MOSMO: variants seen among roughly 807,000 people sequenced by gnomAD.
MOSMO encodes the protein modulator of smoothened protein.
A neutral mutation model predicts 18.4 loss-of-function variants in MOSMO; 5 were observed. The observed-to-expected ratio is 0.27, with a 90% confidence interval of 0.14 to 0.57. The LOEUF (loss-of-function observed/expected upper bound fraction) is 0.57. Ranked by LOEUF, MOSMO falls within the 20% of genes least tolerant of loss-of-function variation. The pLI is 0.92. For missense variants in MOSMO, 138 were observed against 211.8 expected, an observed-to-expected ratio of 0.65 and a Z score of 2.16; for synonymous variants, 82 against 82.3, an observed-to-expected ratio of 1.00 and a Z score of 0.02.
intron 1 of MOSMO, 92 bp downstream of exon 1, chr16:22,008,499 G>A (rs1328790413): frequency 3.8e-6 from 3 of 798,866 alleles, no homozygotes; most frequent in Middle Eastern, 3.9e-4. Context: ...CGGGGTGGAG[G>A]GTCCCGGCCG....
At chr16:22,062,517 C>T (rs185771021) in intron 1 of MOSMO, among the ~76,000 whole-genome samples, 1 of 152,112 alleles carries the variant, frequency 6.6e-6, no homozygotes, top group East Asian at 1.9e-4. Context: ...GAGATAAAGT[C>T]CCAGTGTGTT....
chr16:22,067,475 T>C (rs1344281378), intron 1 of MOSMO, among the ~76,000 whole-genome samples: 1 of 152,128 alleles, frequency 6.6e-6, no homozygotes, highest in Non-Finnish European at 1.5e-5. Flanking sequence ...TGAATCCTCA[T>C]ATGCAAGGGA....
intron 1 of MOSMO, among the ~76,000 whole-genome samples, chr16:22,056,365 C>CTTTTTTTTTTTTTTTT (rs35642716): frequency 3.7e-5 from 2 of 54,612 alleles, no homozygotes; most frequent in East Asian, 6.0e-4. Flanking sequence ...TTCTTTCTTT[C>CTTTTTTTTTTTTTTTT]TTTTTTTTTT....
At chr16:22,078,537 A>G (rs566969520) in intron 2 of MOSMO, among the ~76,000 whole-genome samples, 2 of 152,352 alleles carry the variant, frequency 1.3e-5, no homozygotes, top group South Asian at 4.1e-4. Context: ...TAAAGGATAG[A>G]TCTTTTTTAG....
intron 1 of MOSMO, among the ~76,000 whole-genome samples, chr16:22,011,553 A>G (rs1346465277): frequency 1.3e-5 from 2 of 152,202 alleles, no homozygotes; most frequent in Non-Finnish European, 2.9e-5. Context: ...AATAAAATTG[A>G]AGACCAGTCA....
At chr16:22,051,578 C>G (rs1392544394) in intron 1 of MOSMO, among the ~76,000 whole-genome samples, 1 of 152,084 alleles carries the variant, frequency 6.6e-6, no homozygotes, top group Non-Finnish European at 1.5e-5. Context: ...CATGCCCCTT[C>G]CCCCATACCT....
intron 1 of MOSMO, among the ~76,000 whole-genome samples, chr16:22,040,512 G>C (rs1900190343): frequency 6.6e-6 from 1 of 152,212 alleles, no homozygotes; most frequent in Admixed American, 6.5e-5. Context: ...CTGGGTGATT[G>C]ATGGAGTGAC....
chr16:22,056,798 C>A (rs1276131510), intron 1 of MOSMO, among the ~76,000 whole-genome samples: 1 of 152,152 alleles, frequency 6.6e-6, no homozygotes, highest in African/African-American at 2.4e-5. Flanking sequence ...CCAACATACT[C>A]CCCAAGACAC....
chr16:22,067,272 A>G (rs1900764805), intron 1 of MOSMO, among the ~76,000 whole-genome samples: 1 of 152,208 alleles, frequency 6.6e-6, no homozygotes, highest in Non-Finnish European at 1.5e-5. Flanking sequence ...GGAATTCCTG[A>G]AGAAGAGAGA....
chr16:22,047,888 G>T (rs554946762), intron 1 of MOSMO, among the ~76,000 whole-genome samples: 20 of 152,218 alleles, frequency 1.3e-4, no homozygotes, highest in Admixed American at 9.2e-4. Flanking sequence ...ATTCAGTGGG[G>T]CACTCTGGAG....
chr16:22,039,135 C>G (rs1308539022), intron 1 of MOSMO, among the ~76,000 whole-genome samples: 2 of 152,154 alleles, frequency 1.3e-5, no homozygotes, highest in African/African-American at 4.8e-5. Flanking sequence ...TAACAATAAT[C>G]ATACTGAATC....
intron 1 of MOSMO, among the ~76,000 whole-genome samples, chr16:22,070,997 A>G (rs908027495): frequency 5.9e-5 from 9 of 152,196 alleles, no homozygotes; most frequent in African/African-American, 1.7e-4. Flanking sequence ...TTTCAGTTCA[A>G]TTGGGATACT....
intron 1 of MOSMO, among the ~76,000 whole-genome samples, chr16:22,058,381 G>A (rs1048585678): frequency 2.0e-5 from 3 of 150,086 alleles, no homozygotes; most frequent in South Asian, 2.1e-4. Context: ...AGCCGAGATC[G>A]CGCCACTGCT....
At chr16:22,047,584 T>TAGTAATAGTGCTATTATA (rs1311443992) in intron 1 of MOSMO, among the ~76,000 whole-genome samples, 1 of 152,158 alleles carries the variant, frequency 6.6e-6, no homozygotes. Flanking sequence ...GATAGATATT[T>TAGTAATAGTGCTATTATA]AGTAATAGTG....
At chr16:22,054,412 G>C (rs758424692) in intron 1 of MOSMO, among the ~76,000 whole-genome samples, 12 of 152,078 alleles carry the variant, frequency 7.9e-5, no homozygotes, top group Admixed American at 2.6e-4. Context: ...ACAAATTTTT[G>C]TTGAGAAGGT....
In MOSMO at chr16:22,020,173, A is replaced by G. The variant is rs182962296; in HGVS notation, c.106+11766A>G. ...GGTTGCAGTGAGCCAAGATCGTGTCATTGCACTCCAGCCTGGGCAACAAGA... is the reference window on the plus strand; with the variant it reads ...GGTTGCAGTGAGCCAAGATCGTGTCGTTGCACTCCAGCCTGGGCAACAAGA... On this transcript the variant is annotated intron_variant, in intron 1 of 2. Coordinates refer to ENST00000542527, the MANE Select transcript of MOSMO (RefSeq NM_001164579.2). 3.9e-3 allele frequency among the ~76,000 whole-genome samples: 581 copies of G among 149,732 alleles called. 3 individuals carry two copies. The highest frequency in any genetic ancestry group is 6.4e-3 in the Non-Finnish European group (430 of 67,398).
intron 1 of MOSMO, among the ~76,000 whole-genome samples, chr16:22,017,849 C>T (rs1380398046): frequency 2.6e-5 from 4 of 151,952 alleles, no homozygotes; most frequent in Admixed American, 6.6e-5. Context: ...TAGAATGTGA[C>T]GTTCCTTTGG....
downstream of MOSMO, chr16:22,085,061 G>A (rs546514530): frequency 6.6e-6 from 1 of 152,252 alleles, no homozygotes; most frequent in East Asian, 1.9e-4. Context: ...TTTACTCCAG[G>A]CCAAAAGATC....
At chr16:22,089,546 A>G (rs1206406437), downstream of MOSMO, among the ~76,000 whole-genome samples, 2 of 152,060 alleles carry the variant, frequency 1.3e-5, no homozygotes, top group African/African-American at 4.8e-5. Context: ...ACTGGTAGGA[A>G]TTTACTGGTT....
Sources: gnomAD v4.1 joint callset for allele counts (sites outside exome capture counted in the v4.1 genomes callset) on GRCh38, gnomAD v4.1.1 for gene constraint, MANE v1.5 for transcripts, NCBI Gene and HGNC (gene_info 2026-07-23, HGNC 2026-07-21) for gene names.